The following CUL2 variants were observed in gnomAD, a reference collection of about 807,000 sequenced individuals.
CUL2 encodes cullin 2.
In CUL2, 22 loss-of-function variants were observed where a neutral mutation model predicts 110.2. That is an observed-to-expected ratio of 0.20 (90% confidence interval 0.14 to 0.28). The LOEUF is 0.28. CUL2 is among the 10% of genes least tolerant of loss of function. The pLI is 1.00. For synonymous variants in CUL2, 279 were observed against 293.2 expected (o/e 0.95, Z 0.49); for missense variants, 631 against 905.5 (o/e 0.70, Z 3.89).
At chr10:35,116,678 ATGCTCTGGC>A (rs2087607484) in intron 1 of CUL2, among the ~76,000 whole-genome samples, 1 of 152,150 alleles carries the variant, frequency 6.6e-6, no homozygotes, top group Non-Finnish European at 1.5e-5. Context: ...TAAATATTAG[ATGCTCTGGC>A]TGGGCATGGT....
intron 10 of CUL2, among the ~76,000 whole-genome samples, chr10:35,033,629 C>T (rs1486385972): frequency 2.0e-5 from 3 of 151,730 alleles, no homozygotes; most frequent in South Asian, 2.1e-4. Flanking sequence ...CCCAGCTACA[C>T]GGGAGGCTGA....
chr10:35,114,164 C>T (rs867969024), intron 1 of CUL2, among the ~76,000 whole-genome samples: 3 of 151,620 alleles, frequency 2.0e-5, no homozygotes, highest in Non-Finnish European at 2.9e-5. Flanking sequence ...CCTCGTGATC[C>T]GCCTGCCTCG....
intron 8 of CUL2, among the ~76,000 whole-genome samples, chr10:35,041,873 C>T (rs535886661): frequency 1.9e-4 from 29 of 152,268 alleles, no homozygotes; most frequent in Non-Finnish European, 3.5e-4. Flanking sequence ...CTTTTCCAAA[C>T]ATAATTTATT....
At position 35,049,817 on chromosome 10, in the gene CUL2, A is replaced by T. The variant is rs745747856; in HGVS notation, c.424-52T>A. The T allele has an allele frequency of 3.3e-6, 4 of 1,222,638 alleles. 1 individual carries two copies. The South Asian group carries it at 5.3e-5, about 16-fold the overall frequency. The allele number at this position is 1,222,638 out of a possible 1,614,324, so 75.7% of individuals were successfully genotyped here. A position where few individuals can be genotyped will look rare whatever the true frequency, so the allele number is the denominator to read the frequency against. ...GGCTGAATTACTTAGTATATGTTTA[A>T]CATTTCCTCAAGGTTTTTTTTAACT... On this transcript the variant is annotated intron_variant, in intron 5 of 20. Coordinates refer to ENST00000374749, the MANE Select transcript of CUL2 (RefSeq NM_003591.4).
At chr10:35,106,318 G>A (rs1469415749) in intron 1 of CUL2, among the ~76,000 whole-genome samples, 1 of 149,334 alleles carries the variant, frequency 6.7e-6, no homozygotes, top group Non-Finnish European at 1.5e-5. Flanking sequence ...TTTTTTTTGT[G>A]GGTTTTTTTT....
At chr10:35,081,472 T>A (rs1454128633) in intron 1 of CUL2, among the ~76,000 whole-genome samples, 1 of 152,186 alleles carries the variant, frequency 6.6e-6, no homozygotes, top group Admixed American at 6.5e-5. Context: ...CATATATGTA[T>A]CCCCGATCTC....
chr10:35,051,482 G>C, intron 5 of CUL2, among the ~76,000 whole-genome samples: 1 of 151,854 alleles, frequency 6.6e-6, no homozygotes, highest in African/African-American at 2.4e-5. Context: ...GCGAGGTGGC[G>C]GGCGCCTGTA....
intron 1 of CUL2, among the ~76,000 whole-genome samples, chr10:35,085,716 A>C (rs1027056183): frequency 2.4e-4 from 36 of 151,940 alleles, no homozygotes; most frequent in African/African-American, 8.0e-4. Flanking sequence ...AAAAAAAAAA[A>C]AACTGATAGT....
intron 1 of CUL2, among the ~76,000 whole-genome samples, chr10:35,122,082 A>T (rs1427664856): frequency 6.6e-6 from 1 of 152,234 alleles, no homozygotes; most frequent in Non-Finnish European, 1.5e-5. Flanking sequence ...CAAATGGCAA[A>T]TCAAAGACAT....
intron 1 of CUL2, among the ~76,000 whole-genome samples, chr10:35,112,381 T>C (rs1025282659): frequency 2.6e-5 from 4 of 152,016 alleles, no homozygotes; most frequent in Admixed American, 1.3e-4. Flanking sequence ...AAAACAGAGG[T>C]GACTCCTACA....
In CUL2 at chr10:35,074,581, C is replaced by T. The variant is rs543925979; in HGVS notation, c.-22-3242G>A. Among the ~76,000 whole-genome samples, 40 of 152,198 alleles carry T rather than the reference C, an allele frequency of 2.6e-4. 1 individual carries two copies. The South Asian group carries it at 7.9e-3, about 30-fold the overall frequency. ...AGTGCACTGCAACCTCCACCTCCCA[C>T]GTTCAAGTGATTCACCTGCCACAGC... On this transcript the variant is annotated intron_variant, in intron 1 of 20. Coordinates refer to ENST00000374749, the MANE Select transcript of CUL2 (RefSeq NM_003591.4).
chr10:35,044,573 A>T lies in CUL2; in HGVS notation c.707T>A (p.Met236Lys). 1 of 1,584,646 alleles carries T rather than the reference A, an allele frequency of 6.3e-7. No homozygotes were observed. The highest frequency in any genetic ancestry group is 8.6e-7 in the Non-Finnish European group (1 of 1,159,590). ...LLQESNCSQY[M>K]EKVLGRLKDE... ...ATATGTTTTATTTCTTACCTTTTCC[A>T]TATACTGTGAGCAGTTTGATTCTTG... The change falls in exon 8 of 21, where the codon ATG becomes AAG. Residue 236 changes from methionine to lysine, a missense_variant. This residue lies in a region of CUL2 where 338 missense variants were observed against 442.5 expected (regional missense o/e 0.76). Transcript: ENST00000374749.
At chr10:35,099,613 A>T (rs2087348973) in intron 2 of CUL2, 1 of 152,028 alleles carries the variant, frequency 6.6e-6, no homozygotes, top group Admixed American at 6.6e-5. Flanking sequence ...AAAAATAAAA[A>T]AATAAAATAA....
At position 35,033,236 on chromosome 10, in the gene CUL2, T is replaced by C; in HGVS notation, c.1040A>G (p.His347Arg). The change falls in exon 11 of 21, where the codon CAT becomes CGT. Residue 347 changes from histidine (H) to arginine (R), a missense_variant. By Grantham distance (29) the His-to-Arg change is conservative (BLOSUM62 0). Coordinates refer to ENST00000374749, the MANE Select transcript of CUL2 (RefSeq NM_003591.4). ...TLFVESVLEV[H>R]GKFVQLINTV... ...GTTGATAAGCTGAACAAATTTACCA[T>C]GCACTTCCAAAACTGACTCCACAAA... 2 of 1,613,706 alleles carry C rather than the reference T, an allele frequency of 1.2e-6. No homozygotes were observed. The highest frequency in any genetic ancestry group is 1.7e-6 in the Non-Finnish European group (2 of 1,179,810).
At chr10:35,053,952 A>C (rs1286374281) in intron 5 of CUL2, among the ~76,000 whole-genome samples, 2 of 152,186 alleles carry the variant, frequency 1.3e-5, no homozygotes, top group Admixed American at 1.3e-4. Flanking sequence ...CTTCTTTCAC[A>C]ATCAGCATAA....
chr10:35,105,826 GA>G (rs112118504), intron 1 of CUL2, among the ~76,000 whole-genome samples: 78,529 of 138,894 alleles, frequency 0.57, 21,881 homozygotes, highest in East Asian at 0.66. Flanking sequence ...GCAATGTCCT[GA>G]AAAAAAAAAA....
chr10:35,106,606 A>G (rs539687766), intron 1 of CUL2, among the ~76,000 whole-genome samples: 2 of 151,974 alleles, frequency 1.3e-5, no homozygotes, highest in South Asian at 4.2e-4. Flanking sequence ...TGCTGGGATT[A>G]CAGGTGTGAG....
At chr10:35,083,166 A>AAG (rs2086982581) in intron 1 of CUL2, among the ~76,000 whole-genome samples, 3 of 151,588 alleles carry the variant, frequency 2.0e-5, no homozygotes, top group Admixed American at 2.0e-4. Context: ...AAAAAAAAAA[A>AAG]AAAGAAAGAA....
chr10:35,016,085 T>C, intron 18 of CUL2, 107 bp downstream of exon 18: 1 of 913,830 alleles, frequency 1.1e-6, no homozygotes, highest in South Asian at 1.7e-5. Context: ...ATACAAGTGC[T>C]TTCCAGAGCA....
Sources: allele counts gnomAD v4.1 joint callset (sites outside exome capture counted in the v4.1 genomes callset), GRCh38; gene constraint gnomAD v4.1.1; regional missense constraint gnomAD v4.1.1; transcripts MANE v1.5; gene names NCBI Gene and HGNC (gene_info 2026-07-23, HGNC 2026-07-21).